The following CLSTN2 variants were observed in gnomAD, a reference collection of about 807,000 sequenced individuals.
The protein encoded by CLSTN2 is calsyntenin 2.
A neutral mutation model predicts 101.2 loss-of-function variants in CLSTN2; 48 were observed. That is an observed-to-expected ratio of 0.47 (90% confidence interval 0.38 to 0.60). The LOEUF (loss-of-function observed/expected upper bound fraction) is 0.60, where lower values mean the gene tolerates loss of function less well. Ranked by LOEUF, CLSTN2 falls within the 20% of genes least tolerant of loss-of-function variation. The probability of loss-of-function intolerance (pLI) is 0.00; values close to 1 mark genes in which losing one functional copy is unlikely to be tolerated. For synonymous variants in CLSTN2, 481 were observed against 463.6 expected, an observed-to-expected ratio of 1.04 and a Z score of -0.48; for missense variants, 1,160 against 1,238.2, an observed-to-expected ratio of 0.94 and a Z score of 0.95.
intron 1 of CLSTN2, among the ~76,000 whole-genome samples, chr3:140,121,734 G>A (rs926653999): frequency 2.6e-5 from 4 of 152,190 alleles, no homozygotes; most frequent in African/African-American, 9.6e-5. Context: ...GAAAAAGCAT[G>A]AGGCTTGGCT....
chr3:140,158,071 C>T (rs574546861), intron 1 of CLSTN2, among the ~76,000 whole-genome samples: 56 of 152,044 alleles, frequency 3.7e-4, no homozygotes, highest in Non-Finnish European at 7.1e-4. Flanking sequence ...CAATAAGGGC[C>T]GTCTATGACA....
intron 1 of CLSTN2, among the ~76,000 whole-genome samples, chr3:140,087,319 G>A (rs751179971): frequency 5.9e-5 from 9 of 152,180 alleles, no homozygotes; most frequent in African/African-American, 9.7e-5. Context: ...GGTATACATC[G>A]AGGATCAGGC....
At chr3:140,032,629 G>C (rs1232915889) in intron 1 of CLSTN2, among the ~76,000 whole-genome samples, 1 of 152,080 alleles carries the variant, frequency 6.6e-6, no homozygotes, top group East Asian at 1.9e-4. Context: ...GTACCACCAT[G>C]CCCAGCCACA....
intron 9 of CLSTN2, among the ~76,000 whole-genome samples, chr3:140,536,682 G>A (rs1481664343): frequency 6.6e-6 from 1 of 152,152 alleles, no homozygotes; most frequent in East Asian, 1.9e-4. Flanking sequence ...ACAACCCATT[G>A]GTGAATTTTC....
At chr3:140,218,787 T>C (rs1039849266) in intron 2 of CLSTN2, among the ~76,000 whole-genome samples, 3 of 152,120 alleles carry the variant, frequency 2.0e-5, no homozygotes, top group Admixed American at 6.5e-5. Flanking sequence ...CACAATTTGT[T>C]GAGGGAAATG....
chr3:140,530,965 G>A (rs1935244224), intron 8 of CLSTN2, among the ~76,000 whole-genome samples: 1 of 152,184 alleles, frequency 6.6e-6, no homozygotes, highest in African/African-American at 2.4e-5. Context: ...CTACCTCTTT[G>A]GGTTCGGTGC....
intron 1 of CLSTN2, among the ~76,000 whole-genome samples, chr3:140,059,612 A>T (rs1432794255): frequency 6.6e-6 from 1 of 152,052 alleles, no homozygotes; most frequent in Non-Finnish European, 1.5e-5. Context: ...CCCTCTGAGG[A>T]TGGCAGGGTG....
At chr3:140,142,694 G>A (rs1158015648) in intron 1 of CLSTN2, among the ~76,000 whole-genome samples, 2 of 152,082 alleles carry the variant, frequency 1.3e-5, no homozygotes, top group Non-Finnish European at 2.9e-5. Context: ...ATGACCAGTC[G>A]GTGCTGTTGG....
chr3:140,262,568 A>G (rs919390002), intron 2 of CLSTN2, among the ~76,000 whole-genome samples: 3 of 152,176 alleles, frequency 2.0e-5, no homozygotes, highest in Non-Finnish European at 2.9e-5. Context: ...AATGGATTAT[A>G]TGTTTCATGG....
chr3:140,198,406 T>G (rs1434277193), intron 2 of CLSTN2, among the ~76,000 whole-genome samples: 1 of 152,180 alleles, frequency 6.6e-6, no homozygotes, highest in Non-Finnish European at 1.5e-5. Context: ...GGCCCTCTGT[T>G]CACAGTCTCA....
intron 9 of CLSTN2, among the ~76,000 whole-genome samples, chr3:140,543,922 C>G (rs935433996): frequency 1.3e-5 from 2 of 152,190 alleles, no homozygotes; most frequent in Admixed American, 6.5e-5. Context: ...CTCAATCAAT[C>G]ACAGGTGCAA....
intron 8 of CLSTN2, among the ~76,000 whole-genome samples, chr3:140,529,454 T>C (rs1935211515): frequency 6.6e-6 from 1 of 152,330 alleles, no homozygotes; most frequent in South Asian, 2.1e-4. Context: ...TTGAAGTTCT[T>C]CTCTCCCCCA....
intron 8 of CLSTN2, among the ~76,000 whole-genome samples, chr3:140,512,528 G>A (rs569791141): frequency 2.0e-5 from 3 of 152,206 alleles, no homozygotes; most frequent in African/African-American, 7.2e-5. Context: ...GTCTTGTAGT[G>A]TAGTTTGAAG....
chr3:140,275,066 T>G (rs1325076403), intron 2 of CLSTN2, among the ~76,000 whole-genome samples: 2 of 152,168 alleles, frequency 1.3e-5, no homozygotes, highest in Non-Finnish European at 2.9e-5. Context: ...GGGCAGCCCT[T>G]AACCAATGAC....
At chr3:140,384,989 A>G (rs1433741243) in intron 2 of CLSTN2, among the ~76,000 whole-genome samples, 1 of 152,222 alleles carries the variant, frequency 6.6e-6, no homozygotes, top group Non-Finnish European at 1.5e-5. Flanking sequence ...GTGTGTGGGC[A>G]CCAGAGCCAG....
At chr3:140,461,939 TA>T (rs200151531) in intron 7 of CLSTN2, among the ~76,000 whole-genome samples, 6,956 of 146,490 alleles carry the variant, frequency 0.047, 381 homozygotes, top group East Asian at 0.32. Flanking sequence ...CATCCTAAAT[TA>T]AAAAAAAAAA....
intron 8 of CLSTN2, among the ~76,000 whole-genome samples, chr3:140,486,356 A>C (rs1044587867): frequency 2.0e-4 from 31 of 152,352 alleles, no homozygotes; most frequent in African/African-American, 7.0e-4. Flanking sequence ...AATGACCATG[A>C]CTGTTAAATC....
At chr3:140,095,926 T>C (rs1223265647) in intron 1 of CLSTN2, among the ~76,000 whole-genome samples, 1 of 152,194 alleles carries the variant, frequency 6.6e-6, no homozygotes, top group Admixed American at 6.5e-5. Flanking sequence ...TGTTTGTTTG[T>C]CTGTGATGGG....
At chr3:140,249,274 GATGA>G (rs2086541931) in intron 2 of CLSTN2, among the ~76,000 whole-genome samples, 1 of 152,206 alleles carries the variant, frequency 6.6e-6, no homozygotes, top group Admixed American at 6.5e-5. Flanking sequence ...CCTAGATGAA[GATGA>G]ATGGACTGCT....
Sources: allele counts gnomAD v4.1 joint callset (sites outside exome capture counted in the v4.1 genomes callset), GRCh38; gene constraint gnomAD v4.1.1; transcripts MANE v1.5; gene names NCBI Gene and HGNC (gene_info 2026-07-23, HGNC 2026-07-21).